ENOX2: variants seen among roughly 807,000 people sequenced by gnomAD.
ENOX2 encodes the protein ecto-NOX disulfide-thiol exchanger 2.
Under a neutral mutation model 45.0 loss-of-function variants are expected in ENOX2, and 36 were observed. That is an observed-to-expected ratio of 0.80 (90% CI 0.61 to 1.06). The LOEUF is 1.06. ENOX2 is among the 50% of genes least tolerant of loss of function. The pLI is 0.00. For synonymous variants in ENOX2, 174 were observed against 152.3 expected, an observed-to-expected ratio of 1.14 and a Z score of -1.05; for missense variants, 423 against 462.5, an observed-to-expected ratio of 0.91 and a Z score of 0.78.
At chrX:130,821,742 TA>T in intron 2 of ENOX2, among the ~76,000 whole-genome samples, 1,531 of 23,026 alleles carry the variant, frequency 0.066, 20 homozygotes, top group African/African-American at 0.11. Context: ...ATAAATAAAT[TA>T]AAAAAAAAAA....
intron 10 of ENOX2, among the ~76,000 whole-genome samples, chrX:130,653,560 C>T (rs1259719740): frequency 9.0e-6 from 1 of 111,464 alleles, no homozygotes; most frequent in Non-Finnish European, 1.9e-5. Context: ...TCATCTAAAT[C>T]TGTTCATCTT....
chrX:130,673,558 C>A (rs985720798), intron 6 of ENOX2, among the ~76,000 whole-genome samples: 1 of 108,414 alleles, frequency 9.2e-6, no homozygotes. Flanking sequence ...TAATAACAGG[C>A]TATACCAAGC....
At chrX:130,681,806 A>C (rs2037308916) in intron 5 of ENOX2, among the ~76,000 whole-genome samples, 1 of 111,748 alleles carries the variant, frequency 8.9e-6, no homozygotes, top group African/African-American at 3.3e-5. Flanking sequence ...ACTATTATAG[A>C]ACCCAGGTTT....
intron 2 of ENOX2, among the ~76,000 whole-genome samples, chrX:130,877,093 C>T (rs2078718685): frequency 9.0e-6 from 1 of 111,591 alleles, no homozygotes; most frequent in Non-Finnish European, 1.9e-5. Flanking sequence ...TATCTATAAA[C>T]CTCCCTTTTC....
Position 130,688,872 on chromosome X carries a change from G to C in ENOX2, c.244C>G (p.Pro82Ala), listed in dbSNP as rs2037516697. The C allele has an allele frequency of 8.4e-7, 1 of 1,196,502 alleles. No homozygotes were observed. The highest frequency in any genetic ancestry group is 3.0e-5 in the East Asian group (1 of 33,595). ...AAAAGCAGAATATTACTTGGATTTG[G>C]AGGGAAGAGCGTGCAGCTTTTACAG... ...IHCKSCTLFPPNPNLPPPATR... is the reference protein window; with the variant it reads ...IHCKSCTLFPANPNLPPPATR... Residue 82 changes from proline to alanine, a missense_variant, in exon 5 of 15, where the codon CCA becomes GCA. Coordinates refer to ENST00000394363, the MANE Select transcript of ENOX2 (RefSeq NM_006375.4).
chrX:130,637,913 G>A (rs912699604), intron 10 of ENOX2, among the ~76,000 whole-genome samples: 15 of 111,414 alleles, frequency 1.3e-4, no homozygotes, highest in African/African-American at 4.6e-4. Context: ...CAAAAGTAGT[G>A]CCAGAGGTTA....
chrX:130,897,451 T>C (rs2079076427), intron 2 of ENOX2, among the ~76,000 whole-genome samples: 1 of 112,246 alleles, frequency 8.9e-6, no homozygotes, highest in African/African-American at 3.2e-5. Context: ...GTTTTAAATT[T>C]TCTCTTTAAA....
chrX:130,897,730 C>G (rs2079081550), intron 2 of ENOX2, among the ~76,000 whole-genome samples: 1 of 112,113 alleles, frequency 8.9e-6, no homozygotes, highest in Non-Finnish European at 1.9e-5. Flanking sequence ...GAGGAGCAAG[C>G]AGGGAGCTGA....
At chrX:130,685,271 A>C (rs2037417552) in intron 5 of ENOX2, among the ~76,000 whole-genome samples, 1 of 111,151 alleles carries the variant, frequency 9.0e-6, no homozygotes, top group African/African-American at 3.3e-5. Flanking sequence ...TCAAAGAGAC[A>C]ATGGAGGGGA....
At chrX:130,824,982 A>G (rs1044143205) in intron 2 of ENOX2, among the ~76,000 whole-genome samples, 4 of 111,270 alleles carry the variant, frequency 3.6e-5, no homozygotes, top group Non-Finnish European at 7.6e-5. Flanking sequence ...TTGAAGATGC[A>G]TACCTTCCGC....
intron 2 of ENOX2, among the ~76,000 whole-genome samples, chrX:130,834,569 G>T (rs1161199484): frequency 3.7e-5 from 4 of 107,516 alleles, no homozygotes; most frequent in Non-Finnish European, 7.7e-5. Flanking sequence ...TTTTAATCTC[G>T]ATTGTCAAAG....
At chrX:130,734,737 T>C (rs2038820414) in intron 3 of ENOX2, among the ~76,000 whole-genome samples, 1 of 112,409 alleles carries the variant, frequency 8.9e-6, no homozygotes, top group Non-Finnish European at 1.9e-5. Context: ...ATCTGGATGA[T>C]GGATCTATAA....
intron 2 of ENOX2, among the ~76,000 whole-genome samples, chrX:130,899,561 G>A (rs776658709): frequency 8.9e-6 from 1 of 112,240 alleles, no homozygotes; most frequent in South Asian, 3.8e-4. Flanking sequence ...ATTGCCTTGT[G>A]CGTGCATTCA....
chrX:130,762,424 A>G (rs1365186657), intron 3 of ENOX2, among the ~76,000 whole-genome samples: 1 of 111,869 alleles, frequency 8.9e-6, no homozygotes, highest in South Asian at 3.7e-4. Flanking sequence ...ACAAAAAAAA[A>G]TTTAAAAATT....
chrX:130,715,735 C>A (rs757490174), intron 3 of ENOX2, among the ~76,000 whole-genome samples: 1 of 111,502 alleles, frequency 9.0e-6, no homozygotes, highest in African/African-American at 3.3e-5. Context: ...TGGATTAGAT[C>A]TGAGTTCTAG....
At chrX:130,795,031 ACTAATGT>A (rs2077099488) in intron 2 of ENOX2, among the ~76,000 whole-genome samples, 1 of 112,068 alleles carries the variant, frequency 8.9e-6, no homozygotes, top group Non-Finnish European at 1.9e-5. Flanking sequence ...ATACTGCGTC[ACTAATGT>A]TCTGGAATTA....
At chrX:130,627,388 C>G (rs2035574396) in intron 14 of ENOX2, among the ~76,000 whole-genome samples, 1 of 111,535 alleles carries the variant, frequency 9.0e-6, no homozygotes, top group Non-Finnish European at 1.9e-5. Flanking sequence ...CAAGGCCAGC[C>G]TGGGCAACAC....
intron 3 of ENOX2, among the ~76,000 whole-genome samples, chrX:130,720,926 G>C (rs781069434): frequency 5.4e-5 from 6 of 111,677 alleles, no homozygotes; most frequent in Non-Finnish European, 9.4e-5. Context: ...ATGGGATGTC[G>C]GCACATTCCC....
chrX:130,895,564 T>A (rs1325485225), intron 2 of ENOX2, among the ~76,000 whole-genome samples: 1 of 112,200 alleles, frequency 8.9e-6, no homozygotes, highest in African/African-American at 3.2e-5. Flanking sequence ...GCCATATTCA[T>A]TTGTGCTCTG....
Sources: gnomAD v4.1 joint callset for allele counts (sites outside exome capture counted in the v4.1 genomes callset) on GRCh38, gnomAD v4.1.1 for gene constraint, MANE v1.5 for transcripts, NCBI Gene and HGNC (gene_info 2026-07-23, HGNC 2026-07-21) for gene names.